The following TRIM37 variants were observed in gnomAD, a reference collection of about 807,000 sequenced individuals.
TRIM37 encodes E3 ubiquitin-protein ligase TRIM37.
In TRIM37, 80 loss-of-function variants were observed where a neutral mutation model predicts 129.8. That is an observed-to-expected ratio of 0.62 (90% CI 0.51 to 0.74). The LOEUF (loss-of-function observed/expected upper bound fraction) is 0.74, where lower values mean the gene tolerates loss of function less well. Ranked by LOEUF, TRIM37 falls within the 30% of genes least tolerant of loss-of-function variation. The probability of loss-of-function intolerance (pLI) is 0.00; values close to 1 mark genes in which losing one functional copy is unlikely to be tolerated. For synonymous variants in TRIM37, 389 were observed against 387.1 expected, an observed-to-expected ratio of 1.00 and a Z score of -0.06; for missense variants, 1,054 against 1,176.5, an observed-to-expected ratio of 0.90 and a Z score of 1.52.
At chr17:59,081,953 TAA>T (rs762912390) in intron 5 of TRIM37, among the ~76,000 whole-genome samples, 1,329 of 113,302 alleles carry the variant, frequency 0.012, 29 homozygotes, top group African/African-American at 0.036. Flanking sequence ...AAAAAAAAAA[TAA>T]AAAAAAAAAA....
chr17:59,056,054 T>G (rs2040838242), intron 13 of TRIM37, among the ~76,000 whole-genome samples: 1 of 152,162 alleles, frequency 6.6e-6, no homozygotes, highest in African/African-American at 2.4e-5. Flanking sequence ...GTAAAACCAG[T>G]CACTCAAATA....
At chr17:59,054,814 G>A (rs2040681460) in intron 13 of TRIM37, among the ~76,000 whole-genome samples, 1 of 151,788 alleles carries the variant, frequency 6.6e-6, no homozygotes, top group African/African-American at 2.4e-5. Flanking sequence ...ACAGGCGCGT[G>A]CCACCACAGC....
intron 22 of TRIM37, among the ~76,000 whole-genome samples, 194 bp from the exon 23 acceptor site, chr17:59,001,908 G>A (rs1157114081): frequency 6.6e-6 from 1 of 152,194 alleles, no homozygotes; most frequent in Non-Finnish European, 1.5e-5. Flanking sequence ...GCTATTTAGA[G>A]TGGTTTTATT....
intron 15 of TRIM37, 71 bp downstream of exon 15, chr17:59,049,107 A>G: frequency 2.4e-6 from 3 of 1,233,272 alleles, no homozygotes; most frequent in Admixed American, 3.6e-5. Flanking sequence ...AGCACATAAT[A>G]TGTTAAAAGC....
Position 59,018,456 on chromosome 17 carries a change from C to T in TRIM37, c.2258-1032G>A, listed in dbSNP as rs561904299. Among the ~76,000 whole-genome samples, 4 of 152,276 alleles carry T rather than the reference C, an allele frequency of 2.6e-5. No individual in the cohort carries two copies. The South Asian group carries it at 8.3e-4, about 32-fold the overall frequency. On this transcript the variant is annotated intron_variant, in intron 19 of 23. Coordinates refer to ENST00000262294, the MANE Select transcript of TRIM37 (RefSeq NM_015294.6). ...AAATAACTTATTGTATTTCTCTGCA[C>T]TAGCAGACAATGTGAGAATGAAGTT...
At chr17:59,000,928 CT>C (rs1267344182) in intron 23 of TRIM37, among the ~76,000 whole-genome samples, 25 of 152,198 alleles carry the variant, frequency 1.6e-4, no homozygotes, top group Non-Finnish European at 1.0e-4. Context: ...GGCACGGTGG[CT>C]CACGCCTGTA....
chr17:59,092,890 C>T (rs756220684), intron 2 of TRIM37, among the ~76,000 whole-genome samples: 2 of 152,050 alleles, frequency 1.3e-5, no homozygotes, highest in East Asian at 1.9e-4. Flanking sequence ...ATACAGAGCA[C>T]GCCTGTAATC....
chr17:58,987,172 T>G (rs1172356713), intron 24 of TRIM37, among the ~76,000 whole-genome samples: 1 of 152,222 alleles, frequency 6.6e-6, no homozygotes, highest in Non-Finnish European at 1.5e-5. Flanking sequence ...CTGTCAAGAA[T>G]GATACACATT....
chr17:58,977,453 A>G, the TRIM37 span, among the ~76,000 whole-genome samples: 1 of 152,012 alleles, frequency 6.6e-6, no homozygotes, highest in Non-Finnish European at 1.5e-5. Flanking sequence ...AAAAAAAAAA[A>G]AAAGAAATAA....
intron 7 of TRIM37, among the ~76,000 whole-genome samples, chr17:59,079,032 T>C (rs956774649): frequency 2.0e-5 from 3 of 151,560 alleles, no homozygotes; most frequent in African/African-American, 7.3e-5. Context: ...GGCTAAAATC[T>C]TGGAGAATCA....
chr17:59,104,253 C>T (rs1283404265), intron 2 of TRIM37, 40 bp downstream of exon 2: 6 of 1,524,864 alleles, frequency 3.9e-6, no homozygotes, highest in African/African-American at 1.4e-5. Context: ...ACAATATATA[C>T]TATATATACT....
chr17:58,996,431 C>A (rs954222736), downstream of TRIM37, among the ~76,000 whole-genome samples: 2 of 149,632 alleles, frequency 1.3e-5, no homozygotes, highest in African/African-American at 4.9e-5. Flanking sequence ...GATCATGCCA[C>A]TGCACTCCAG....
chr17:59,038,286 T>C (rs566987689), intron 17 of TRIM37, among the ~76,000 whole-genome samples: 9 of 152,300 alleles, frequency 5.9e-5, no homozygotes, highest in East Asian at 1.9e-4. Context: ...TGTATGTACA[T>C]TGTCATATTC....
intron 11 of TRIM37, among the ~76,000 whole-genome samples, chr17:59,062,175 T>G (rs967286817): frequency 1.3e-5 from 2 of 152,108 alleles, no homozygotes; most frequent in Admixed American, 6.5e-5. Context: ...ACCAAACATC[T>G]TTAAAGGTAA....
chr17:59,028,819 C>G, intron 18 of TRIM37, 96 bp from the exon 19 acceptor site: 1 of 1,317,554 alleles, frequency 7.6e-7, no homozygotes, highest in Non-Finnish European at 1.1e-6. Flanking sequence ...GTAAAATAAG[C>G]TAGCGTGCTT....
intron 16 of TRIM37, among the ~76,000 whole-genome samples, chr17:59,044,409 A>C (rs1432747905): frequency 6.6e-6 from 1 of 152,046 alleles, no homozygotes; most frequent in Non-Finnish European, 1.5e-5. Context: ...AAAACTACAA[A>C]AAATTAGTCG....
chr17:59,022,161 A>G (rs1172709490), intron 19 of TRIM37, among the ~76,000 whole-genome samples: 1 of 152,174 alleles, frequency 6.6e-6, no homozygotes, highest in Non-Finnish European at 1.5e-5. Flanking sequence ...TGGGTTAAGG[A>G]TAGTGTAATG....
the TRIM37 span, among the ~76,000 whole-genome samples, chr17:58,967,729 G>T: frequency 6.6e-6 from 1 of 150,840 alleles, no homozygotes; most frequent in Non-Finnish European, 1.5e-5. Flanking sequence ...TTCTTGTGGT[G>T]CTATTTCGAG....
At chr17:59,028,336 T>C in intron 19 of TRIM37, 79 bp downstream of exon 19, 2 of 1,362,026 alleles carry the variant, frequency 1.5e-6, no homozygotes, top group Non-Finnish European at 1.0e-6. Flanking sequence ...GGTATTTAAA[T>C]ATTATTCTTT....
Sources: gnomAD v4.1 joint callset for allele counts (sites outside exome capture counted in the v4.1 genomes callset) on GRCh38, gnomAD v4.1.1 for gene constraint, MANE v1.5 for transcripts, NCBI Gene and HGNC (gene_info 2026-07-23, HGNC 2026-07-21) for gene names.